CHSY1: variants seen among roughly 807,000 people sequenced by gnomAD.
CHSY1 encodes chondroitin sulfate synthase 1.
In CHSY1, 13 loss-of-function variants were observed where a neutral mutation model predicts 59.8. The observed-to-expected ratio is 0.22, with a 90% confidence interval of 0.14 to 0.35. The LOEUF (loss-of-function observed/expected upper bound fraction) is 0.35, where lower values mean the gene tolerates loss of function less well. CHSY1 is among the 10% of genes least tolerant of loss of function. CHSY1 has a pLI of 1.00. For synonymous variants in CHSY1, 459 were observed against 401.2 expected (o/e 1.14, Z -1.72); for missense variants, 947 against 1,030.6 (o/e 0.92, Z 1.11).
At chr15:101,193,306 C>G (rs2038468843) in intron 2 of CHSY1, among the ~76,000 whole-genome samples, 1 of 152,236 alleles carries the variant, frequency 6.6e-6, no homozygotes, top group Non-Finnish European at 1.5e-5. Context: ...GCTGCAGCAT[C>G]ATATCCTTGG....
chr15:101,187,441 T>C (rs938555513), intron 2 of CHSY1: 2 of 152,226 alleles, frequency 1.3e-5, no homozygotes, highest in Admixed American at 6.5e-5. Flanking sequence ...ATGGCACTAC[T>C]GCACTCCAGC....
At chr15:101,218,282 T>G (rs933529229) in intron 2 of CHSY1, among the ~76,000 whole-genome samples, 3 of 152,226 alleles carry the variant, frequency 2.0e-5, no homozygotes, top group African/African-American at 7.2e-5. Context: ...GATTTTTATC[T>G]TTATAATTTT....
chr15:101,248,973 T>C (rs1245204070), intron 1 of CHSY1, among the ~76,000 whole-genome samples: 1 of 149,826 alleles, frequency 6.7e-6, no homozygotes, highest in Non-Finnish European at 1.5e-5. Flanking sequence ...TTTTTTTTTT[T>C]TTTGCATTTT....
At position 101,177,526 on chromosome 15, in the gene CHSY1, G is replaced by A. The variant is rs1199383168; in HGVS notation, c.2271C>T (p.Pro757=). Reference sequence around the variant, plus strand: ...ACCCCAAGCACATTTTGTACTGTTTGGGGTCAAGATTGGGATCACAAAAGA... The same window carrying A: ...ACCCCAAGCACATTTTGTACTGTTTAGGGTCAAGATTGGGATCACAAAAGA... The part of the protein sequence containing the change: ...HPVFCDPNLD[P]KQYKMCLGSK... Residue 757 remains proline (P), a synonymous_variant, in exon 3 of 3, where the codon CCC becomes CCT. Coordinates refer to ENST00000254190, the MANE Select transcript of CHSY1 (RefSeq NM_014918.5). The A allele has an allele frequency of 4.3e-6, 7 of 1,613,652 alleles. No homozygotes were observed. In the Admixed American group the frequency reaches 1.2e-4, roughly 27 times the overall value.
chr15:101,233,236 TCTTGGCACTAACGCTAAACC>T, intron 2 of CHSY1, among the ~76,000 whole-genome samples: 1 of 152,276 alleles, frequency 6.6e-6, no homozygotes, highest in South Asian at 2.1e-4. Context: ...TCTAACTACC[TCTTGGCACTAACGCTAAACC>T]CAAGTTCTTG....
At chr15:101,238,221 T>C (rs1321229991) in intron 1 of CHSY1, among the ~76,000 whole-genome samples, 3 of 147,624 alleles carry the variant, frequency 2.0e-5, no homozygotes, top group Admixed American at 6.7e-5. Context: ...TTCAGCAGCA[T>C]TCAGTGTTGT....
chr15:101,206,342 A>G (rs1339548720), intron 2 of CHSY1, among the ~76,000 whole-genome samples: 4 of 152,168 alleles, frequency 2.6e-5, no homozygotes, highest in Non-Finnish European at 5.9e-5. Context: ...AAAGACTCAT[A>G]TGATCCACTG....
chr15:101,246,605 C>G (rs1185334991), intron 1 of CHSY1, among the ~76,000 whole-genome samples: 1 of 152,176 alleles, frequency 6.6e-6, no homozygotes, highest in East Asian at 1.9e-4. Flanking sequence ...GAATTCTGAG[C>G]ATGACGAAGA....
rs2039122433 is a variant in CHSY1 at position 101,252,043 on chromosome 15, G to C, written c.-587C>G. 6.7e-6 allele frequency: 1 copy of C among 150,146 alleles called. No homozygotes were observed. The allele number at this position is 150,146 out of a possible 1,614,324, so 9.3% of individuals were successfully genotyped here. A position where few individuals can be genotyped will look rare whatever the true frequency, so the allele number is the denominator to read the frequency against. Reference sequence around the variant, plus strand: ...TCCGCGCCGCGCGATTGGCGCAAAAGTGAATGAGGGGCGGTTCACGTGGCC... The same window carrying C: ...TCCGCGCCGCGCGATTGGCGCAAAACTGAATGAGGGGCGGTTCACGTGGCC... On this transcript the variant is annotated 5_prime_UTR_variant, in exon 1 of 3. Coordinates refer to ENST00000254190, the MANE Select transcript of CHSY1 (RefSeq NM_014918.5).
chr15:101,179,129 A>T, intron 2 of CHSY1, 149 bp from the exon 3 acceptor site: 1 of 766,416 alleles, frequency 1.3e-6, no homozygotes, highest in Non-Finnish European at 2.2e-6. Flanking sequence ...CAGCAGTCCA[A>T]TGTGGTTAGA....
chr15:101,242,835 G>A (rs901170680), intron 1 of CHSY1, among the ~76,000 whole-genome samples: 5 of 152,212 alleles, frequency 3.3e-5, no homozygotes, highest in South Asian at 2.1e-4. Flanking sequence ...TGGTTTCCGG[G>A]TATGTGGTTT....
In CHSY1 at chr15:101,177,244, A is replaced by C. The variant is rs1431532328; in HGVS notation, c.*144T>G. On this transcript the variant is annotated 3_prime_UTR_variant, in exon 3 of 3. Transcript: ENST00000254190. ...AAACACTGATCACCTTCTTGTTCAG[A>C]AAGCTCAATCTTAAAGGAGTCCTAT... 1 of 712,914 alleles carries C rather than the reference A, an allele frequency of 1.4e-6. No individual in the cohort carries two copies. Among genetic ancestry groups the C allele is most frequent in the African/African-American group, 1.8e-5 (1 of 55,930 alleles). 44.2% of individuals were successfully genotyped at this position (712,914 alleles called of 1,614,324 possible). A position where few individuals can be genotyped will look rare whatever the true frequency, so the allele number is the denominator to read the frequency against.
chr15:101,235,061 G>A, intron 2 of CHSY1, 21 bp downstream of exon 2: 1 of 1,611,738 alleles, frequency 6.2e-7, no homozygotes, highest in East Asian at 2.2e-5. Context: ...TTTTTCCCAT[G>A]GTAAAGAATT....
At chr15:101,183,370 A>G (rs2038307664) in intron 2 of CHSY1, among the ~76,000 whole-genome samples, 1 of 152,236 alleles carries the variant, frequency 6.6e-6, no homozygotes, top group Non-Finnish European at 1.5e-5. Flanking sequence ...AAAAGGGCAT[A>G]TACAAATAAT....
chr15:101,192,006 C>A (rs2038451575), intron 2 of CHSY1, among the ~76,000 whole-genome samples: 2 of 152,170 alleles, frequency 1.3e-5, no homozygotes, highest in African/African-American at 4.8e-5. Flanking sequence ...TAATAATTAA[C>A]AATGAGTAGG....
intron 2 of CHSY1, among the ~76,000 whole-genome samples, chr15:101,226,640 T>TAC (rs1231239441): frequency 4.6e-5 from 7 of 152,288 alleles, no homozygotes; most frequent in African/African-American, 1.7e-4. Context: ...TTACCACACA[T>TAC]ACTCCTCTGC....
intron 2 of CHSY1, among the ~76,000 whole-genome samples, chr15:101,216,231 A>C (rs2038730858): frequency 6.6e-6 from 1 of 152,222 alleles, no homozygotes; most frequent in Non-Finnish European, 1.5e-5. Context: ...AAAATCCAAA[A>C]CACTGATAAC....
intron 2 of CHSY1, among the ~76,000 whole-genome samples, chr15:101,230,880 C>G (rs1187669956): frequency 2.6e-5 from 4 of 152,138 alleles, no homozygotes; most frequent in Non-Finnish European, 4.4e-5. Flanking sequence ...AAAAAGGTGG[C>G]CATTCATGTT....
intron 2 of CHSY1, among the ~76,000 whole-genome samples, chr15:101,216,377 C>T (rs2038732297): frequency 6.6e-6 from 1 of 152,352 alleles, no homozygotes; most frequent in South Asian, 2.1e-4. Flanking sequence ...TACAATCCAG[C>T]AGTCATACTC....
Sources: allele counts gnomAD v4.1 joint callset (sites outside exome capture counted in the v4.1 genomes callset), GRCh38; gene constraint gnomAD v4.1.1; transcripts MANE v1.5; gene names NCBI Gene and HGNC (gene_info 2026-07-23, HGNC 2026-07-21).